The following DDX4 variants were observed in gnomAD, a reference collection of about 807,000 sequenced individuals.
DDX4 encodes the protein probable ATP-dependent RNA helicase DDX4.
In DDX4, 25 loss-of-function variants were observed where a neutral mutation model predicts 100.0. The ratio of observed to expected loss-of-function variants is 0.25; its 90% confidence interval spans 0.18 to 0.35. DDX4 has a LOEUF of 0.35. DDX4 is among the 10% of genes least tolerant of loss of function. The pLI, the probability that DDX4 is intolerant of heterozygous loss-of-function variation, is 1.00. For missense variants in DDX4, 635 were observed against 882.4 expected (o/e 0.72, Z 3.55); for synonymous variants, 259 against 275.7 (o/e 0.94, Z 0.60).
At position 55,816,694 on chromosome 5, in the gene DDX4, G is replaced by T; in HGVS notation, c.*154G>T. The T allele has an allele frequency of 1.5e-6, 2 of 1,307,166 alleles. No homozygotes were observed. The highest frequency in any genetic ancestry group is 2.0e-6 in the Non-Finnish European group (2 of 988,048). The allele number at this position is 1,307,166 out of a possible 1,614,324, so 81.0% of individuals were successfully genotyped here. A position where few individuals can be genotyped will look rare whatever the true frequency, so the allele number is the denominator to read the frequency against. ...TTAAAAAAAAAATCCTTACTGACTA[G>T]TTATGTGAGATGCTAAAACTTACAA... On this transcript the variant is annotated 3_prime_UTR_variant, in exon 22 of 22. Transcript: ENST00000505374.
intron 6 of DDX4, among the ~76,000 whole-genome samples, chr5:55,765,083 C>T (rs541852337): frequency 6.6e-6 from 1 of 151,996 alleles, no homozygotes; most frequent in African/African-American, 2.4e-5. Flanking sequence ...CTTTTTTTCT[C>T]CTATCCCGTT....
At chr5:55,774,537 A>C (rs1174568287) in intron 7 of DDX4, among the ~76,000 whole-genome samples, 1 of 152,204 alleles carries the variant, frequency 6.6e-6, no homozygotes, top group Non-Finnish European at 1.5e-5. Flanking sequence ...CATTTTTATC[A>C]AACCCAGTTT....
Position 55,776,328 on chromosome 5 carries a change from A to G in DDX4, c.395-3636A>G, listed in dbSNP as rs1166458688. On this transcript the variant is annotated intron_variant, in intron 7 of 21. Coordinates refer to ENST00000505374, the MANE Select transcript of DDX4 (RefSeq NM_024415.3). ...AAGATAGACTAAGACCTGTGGTTCAACATATGACTGTCTCCTGAGGAGTGG... is the reference window on the plus strand; with the variant it reads ...AAGATAGACTAAGACCTGTGGTTCAGCATATGACTGTCTCCTGAGGAGTGG... Among the ~76,000 whole-genome samples, 3 of 152,310 alleles carry G rather than the reference A, an allele frequency of 2.0e-5. No individual in the cohort carries two copies. The East Asian group carries it at 5.8e-4, about 29-fold the overall frequency.
At chr5:55,777,261 C>A (rs1741622355) in intron 7 of DDX4, among the ~76,000 whole-genome samples, 1 of 152,066 alleles carries the variant, frequency 6.6e-6, no homozygotes, top group African/African-American at 2.4e-5. Context: ...AAATAAAAGA[C>A]CTATGTATCA....
At chr5:55,742,197 G>C (rs894079523) in intron 2 of DDX4, 25 of 456,294 alleles carry the variant, frequency 5.5e-5, no homozygotes, top group African/African-American at 5.0e-4. Context: ...TCAACCATTA[G>C]GCATTTGCAC....
At chr5:55,794,597 T>C (rs1301557710) in intron 17 of DDX4, among the ~76,000 whole-genome samples, 2 of 151,704 alleles carry the variant, frequency 1.3e-5, no homozygotes, top group African/African-American at 4.9e-5. Context: ...AGATTCACCC[T>C]GAAATGGGAA....
intron 3 of DDX4, among the ~76,000 whole-genome samples, chr5:55,751,392 T>C (rs1260836406): frequency 6.6e-6 from 1 of 152,096 alleles, no homozygotes; most frequent in Non-Finnish European, 1.5e-5. Flanking sequence ...CACCACCATG[T>C]CTGGCTGATT....
At chr5:55,810,605 T>C (rs1744067778) in intron 18 of DDX4, among the ~76,000 whole-genome samples, 1 of 152,186 alleles carries the variant, frequency 6.6e-6, no homozygotes, top group Non-Finnish European at 1.5e-5. Context: ...TCTTTAATCT[T>C]GGAAAAGTGT....
intron 4 of DDX4, among the ~76,000 whole-genome samples, chr5:55,761,383 ATAT>A (rs1172301496): frequency 6.6e-6 from 1 of 152,132 alleles, no homozygotes; most frequent in African/African-American, 2.4e-5. Flanking sequence ...AGGCTTCTAA[ATAT>A]TATTGAATAA....
intron 17 of DDX4, among the ~76,000 whole-genome samples, chr5:55,795,146 G>A (rs1051454301): frequency 6.6e-6 from 1 of 151,930 alleles, no homozygotes; most frequent in Non-Finnish European, 1.5e-5. Flanking sequence ...TGTATTTTTA[G>A]TAGAGATGGG....
intron 3 of DDX4, among the ~76,000 whole-genome samples, chr5:55,758,402 T>TGTTGGTC (rs1760077136): frequency 6.6e-6 from 1 of 152,180 alleles, no homozygotes; most frequent in Non-Finnish European, 1.5e-5. Flanking sequence ...ATCAAGGTTA[T>TGTTGGTC]GTTGGTCTGT....
chr5:55,776,385 A>C (rs1038424466), intron 7 of DDX4, among the ~76,000 whole-genome samples: 20 of 152,344 alleles, frequency 1.3e-4, no homozygotes, highest in African/African-American at 4.8e-4. Flanking sequence ...GGAAAGAAGA[A>C]TATTCAAAGA....
chr5:55,767,642 T>C lies in DDX4; in HGVS notation c.335-239T>C, dbSNP rs140198254. On this transcript the variant is annotated intron_variant, in intron 6 of 21. Coordinates refer to ENST00000505374, the MANE Select transcript of DDX4 (RefSeq NM_024415.3). Reference sequence around the variant, plus strand: ...AGTATAATGCTTGGCAAATAGTAGGTTCTCAATTTCATATAATAAACATTT... The same window carrying C: ...AGTATAATGCTTGGCAAATAGTAGGCTCTCAATTTCATATAATAAACATTT... Among the ~76,000 whole-genome samples the C allele has an allele frequency of 3.5e-3, 526 of 152,322 alleles. 7 individuals are homozygous for C. The highest frequency in any genetic ancestry group is 0.012 in the African/African-American group (510 of 41,582).
At chr5:55,799,376 TA>T (rs1467683288) in intron 18 of DDX4, among the ~76,000 whole-genome samples, 1 of 152,144 alleles carries the variant, frequency 6.6e-6, no homozygotes, top group Non-Finnish European at 1.5e-5. Context: ...TTTTACTTTT[TA>T]TTATTTTTAA....
At chr5:55,749,860 A>G (rs915186889) in intron 3 of DDX4, among the ~76,000 whole-genome samples, 4 of 147,520 alleles carry the variant, frequency 2.7e-5, no homozygotes, top group African/African-American at 7.5e-5. Flanking sequence ...TTTATTTGCA[A>G]TGCCCTTTGA....
intron 4 of DDX4, among the ~76,000 whole-genome samples, chr5:55,760,883 G>A (rs79530295): frequency 0.076 from 11,493 of 152,092 alleles, 714 homozygotes; most frequent in African/African-American, 0.17. Flanking sequence ...TAGAACTTCA[G>A]GTTAAATTTA....
chr5:55,776,089 C>T (rs1487217588), intron 7 of DDX4, among the ~76,000 whole-genome samples: 1 of 152,136 alleles, frequency 6.6e-6, no homozygotes, highest in East Asian at 1.9e-4. Context: ...CACTGCACTC[C>T]AGCCTGGGTG....
At chr5:55,815,514 A>T (rs558975483) in intron 21 of DDX4, 91 bp downstream of exon 21, 1 of 1,429,290 alleles carries the variant, frequency 7.0e-7, no homozygotes, top group East Asian at 2.5e-5. Context: ...AATATTTAAT[A>T]ATCAAGCCAT....
chr5:55,767,009 C>A, intron 6 of DDX4: 1 of 1,510,640 alleles, frequency 6.6e-7, no homozygotes, highest in Non-Finnish European at 8.8e-7. Context: ...TCTCATACTA[C>A]TATTTTAAAA....
Sources: gnomAD v4.1 joint callset for allele counts (sites outside exome capture counted in the v4.1 genomes callset) on GRCh38, gnomAD v4.1.1 for gene constraint, MANE v1.5 for transcripts, NCBI Gene and HGNC (gene_info 2026-07-23, HGNC 2026-07-21) for gene names.